RBMS1: variants seen among roughly 807,000 people sequenced by gnomAD.
RBMS1 encodes RNA binding motif single stranded interacting protein 1.
Under a neutral mutation model 62.3 loss-of-function variants are expected in RBMS1, and 17 were observed. The ratio of observed to expected loss-of-function variants is 0.27; its 90% CI spans 0.19 to 0.41. RBMS1 has a LOEUF of 0.41. Ranked by LOEUF, RBMS1 falls within the 10% of genes least tolerant of loss-of-function variation. The pLI is 1.00. For synonymous variants in RBMS1, 172 were observed against 170.0 expected (o/e 1.01, Z -0.09); for missense variants, 334 against 504.5 (o/e 0.66, Z 3.24).
At chr2:160,396,998 C>T (rs1695182558) in intron 1 of RBMS1, among the ~76,000 whole-genome samples, 1 of 152,208 alleles carries the variant, frequency 6.6e-6, no homozygotes, top group Admixed American at 6.5e-5. Context: ...CTTGATTTCA[C>T]GTTTCCTTAG....
intron 5 of RBMS1, 91 bp downstream of exon 5, chr2:160,303,238 GA>G: frequency 7.4e-7 from 1 of 1,346,786 alleles, no homozygotes; most frequent in Non-Finnish European, 1.0e-6. Flanking sequence ...AACCCTAGCT[GA>G]AACTGTCTCT....
chr2:160,403,119 T>C (rs1695520998), intron 1 of RBMS1, among the ~76,000 whole-genome samples: 1 of 152,214 alleles, frequency 6.6e-6, no homozygotes, highest in South Asian at 2.1e-4. Flanking sequence ...CGATGAATTG[T>C]ACAGTTTTCA....
intron 1 of RBMS1, among the ~76,000 whole-genome samples, chr2:160,398,076 T>G (rs1295447407): frequency 6.6e-6 from 1 of 152,238 alleles, no homozygotes; most frequent in African/African-American, 2.4e-5. Context: ...GCTCCGGTTC[T>G]CTAACTGCTT....
chr2:160,458,150 G>A (rs1684321175), intron 1 of RBMS1, among the ~76,000 whole-genome samples: 1 of 152,062 alleles, frequency 6.6e-6, no homozygotes, highest in South Asian at 2.1e-4. Context: ...TTTTCATAGA[G>A]ATAGAATCTC....
Position 160,471,691 on chromosome 2 carries a change from G to GTATATATATATA in RBMS1, c.75+21586_75+21597dup, listed in dbSNP as rs368982549. ...AATCATGTTTGGGAAATCCTTTGGT[G>GTATATATATATA]TATATATATATATATATATATATAT... On this transcript the variant is annotated intron_variant, in intron 1 of 13. Coordinates refer to ENST00000348849, the MANE Select transcript of RBMS1 (RefSeq NM_016836.4). Among the ~76,000 whole-genome samples the GTATATATATATA allele has an allele frequency of 1.9e-3, 128 of 65,934 alleles. 4 individuals carry two copies. Among genetic ancestry groups the GTATATATATATA allele is most frequent in the East Asian group, 3.4e-3 (10 of 2,906 alleles). 43.3% of individuals were successfully genotyped at this position (65,934 alleles called of 152,430 possible). A position where few individuals can be genotyped will look rare whatever the true frequency, so the allele number is the denominator to read the frequency against.
chr2:160,475,014 T>TA (rs1685067487), intron 1 of RBMS1, among the ~76,000 whole-genome samples: 2 of 152,314 alleles, frequency 1.3e-5, no homozygotes, highest in African/African-American at 4.8e-5. Context: ...GAAGACAGCC[T>TA]AAAAAATCCC....
At chr2:160,480,331 C>T (rs1685314819) in intron 1 of RBMS1, among the ~76,000 whole-genome samples, 1 of 152,134 alleles carries the variant, frequency 6.6e-6, no homozygotes, top group East Asian at 1.9e-4. Context: ...TTAAAAAGAA[C>T]GTCATCTGTT....
At chr2:160,436,108 A>G (rs909063650) in intron 1 of RBMS1, among the ~76,000 whole-genome samples, 8 of 152,188 alleles carry the variant, frequency 5.3e-5, no homozygotes, top group African/African-American at 9.7e-5. Context: ...GTGATAGATA[A>G]TCTCCAATGA....
chr2:160,346,771 G>C (rs1692200872), intron 2 of RBMS1, among the ~76,000 whole-genome samples: 2 of 152,130 alleles, frequency 1.3e-5, no homozygotes, highest in Admixed American at 6.6e-5. Flanking sequence ...GAAATTAGCA[G>C]TCTTAGACAA....
At chr2:160,285,150 G>C in intron 7 of RBMS1, 106 bp from the exon 8 acceptor site, 1 of 1,075,028 alleles carries the variant, frequency 9.3e-7, no homozygotes, top group Non-Finnish European at 1.4e-6. Context: ...CCAGCTGCTG[G>C]GGAGGCTGAG....
At chr2:160,285,124 G>A in intron 7 of RBMS1, 80 bp from the exon 8 acceptor site, 2 of 1,354,228 alleles carry the variant, frequency 1.5e-6, no homozygotes, top group Admixed American at 3.4e-5. Flanking sequence ...AGGTGTGGTG[G>A]TGTGCACCTG....
chr2:160,320,116 C>G (rs1415197226), intron 2 of RBMS1, among the ~76,000 whole-genome samples: 1 of 152,220 alleles, frequency 6.6e-6, no homozygotes, highest in Non-Finnish European at 1.5e-5. Context: ...AGGTTACATG[C>G]TTGATATTTA....
At chr2:160,285,136 A>G in intron 7 of RBMS1, 92 bp from the exon 8 acceptor site, 1 of 1,236,708 alleles carries the variant, frequency 8.1e-7, no homozygotes, top group Admixed American at 1.7e-5. Context: ...GTGCACCTGT[A>G]GTCCCAGCTG....
chr2:160,308,498 G>A (rs1689674904), intron 4 of RBMS1, among the ~76,000 whole-genome samples: 1 of 152,140 alleles, frequency 6.6e-6, no homozygotes, highest in Admixed American at 6.5e-5. Context: ...GCTAAGTCAA[G>A]TCTAGATACT....
At chr2:160,402,477 T>G (rs1695487812) in intron 1 of RBMS1, among the ~76,000 whole-genome samples, 1 of 152,194 alleles carries the variant, frequency 6.6e-6, no homozygotes, top group Non-Finnish European at 1.5e-5. Flanking sequence ...AAAAATGCAG[T>G]GTGATGAAAA....
chr2:160,424,861 G>C (rs1257790331), intron 1 of RBMS1, among the ~76,000 whole-genome samples: 1 of 151,890 alleles, frequency 6.6e-6, no homozygotes. Context: ...CAACTAAAAA[G>C]GGGGAAAAAA....
At chr2:160,304,271 G>A (rs571840760) in intron 4 of RBMS1, among the ~76,000 whole-genome samples, 1 of 152,148 alleles carries the variant, frequency 6.6e-6, no homozygotes, top group Admixed American at 6.5e-5. Context: ...CTAAAAGCAA[G>A]GAGAATAATT....
At chr2:160,395,532 G>C (rs1388437471) in intron 1 of RBMS1, among the ~76,000 whole-genome samples, 1 of 151,180 alleles carries the variant, frequency 6.6e-6, no homozygotes, top group African/African-American at 2.4e-5. Context: ...GCTGAGGCAG[G>C]AGAATGGCGT....
In RBMS1 at chr2:160,425,038, A is replaced by G. The variant is rs534908812; in HGVS notation, c.76-57647T>C. Among the ~76,000 whole-genome samples, 19 of 152,310 alleles carry G rather than the reference A, an allele frequency of 1.2e-4. No homozygotes were observed. In the South Asian group the frequency reaches 3.9e-3, roughly 32 times the overall value. ...CTATTAGACCTTAATTTTGGCTCCT[A>G]AATGGAATATGGTCAATAAAAAATG... On this transcript the variant is annotated intron_variant, in intron 1 of 13. Transcript: ENST00000348849.
Sources: allele counts gnomAD v4.1 joint callset (sites outside exome capture counted in the v4.1 genomes callset), GRCh38; gene constraint gnomAD v4.1.1; transcripts MANE v1.5; gene names NCBI Gene and HGNC (gene_info 2026-07-23, HGNC 2026-07-21).